KCNG2: variants seen among roughly 807,000 people sequenced by gnomAD.
KCNG2 encodes the protein potassium voltage-gated channel modifier subfamily G member 2, also known as voltage-gated potassium channel regulatory subunit KCNG2.
A neutral mutation model predicts 12.3 loss-of-function variants in KCNG2; 7 were observed. The observed-to-expected ratio is 0.57, with a 90% CI of 0.32 to 1.07. The LOEUF is 1.07. Among genes scored for constraint, KCNG2 ranks in the 50% least tolerant of loss-of-function variants. The pLI is 0.04. For missense variants in KCNG2, 703 were observed against 726.0 expected, an observed-to-expected ratio of 0.97 and a Z score of 0.36; for synonymous variants, 414 against 351.4, an observed-to-expected ratio of 1.18 and a Z score of -1.99.
At chr18:79,830,405 C>T (rs1344002663) in intron 1 of KCNG2, among the ~76,000 whole-genome samples, 3 of 152,248 alleles carry the variant, frequency 2.0e-5, no homozygotes, top group Non-Finnish European at 2.9e-5. Flanking sequence ...CCAGAGCTCA[C>T]TGGGACATCA....
chr18:79,811,385 A>G (rs1352217362), intron 1 of KCNG2, among the ~76,000 whole-genome samples: 1 of 152,254 alleles, frequency 6.6e-6, no homozygotes, highest in Non-Finnish European at 1.5e-5. Context: ...ATATTGATCA[A>G]TGGAATACAA....
chr18:79,851,573 C>A (rs1381754959), intron 1 of KCNG2, among the ~76,000 whole-genome samples: 2 of 152,094 alleles, frequency 1.3e-5, no homozygotes, highest in African/African-American at 4.8e-5. Context: ...GACCTGATAG[C>A]CTTTTCAAGC....
At chr18:79,893,476 G>A (rs1036450801) in intron 3 of KCNG2, among the ~76,000 whole-genome samples, 3 of 151,670 alleles carry the variant, frequency 2.0e-5, no homozygotes, top group Non-Finnish European at 4.4e-5. Flanking sequence ...TGTTATGATC[G>A]ATATAGTTGG....
chr18:79,879,600 CA>C (rs1980214742), intron 3 of KCNG2, among the ~76,000 whole-genome samples: 1 of 152,136 alleles, frequency 6.6e-6, no homozygotes, highest in Admixed American at 6.5e-5. Flanking sequence ...CACTCAAAGA[CA>C]AAGATGAAAA....
At chr18:79,798,702 C>G (rs2087383571) in intron 1 of KCNG2, among the ~76,000 whole-genome samples, 1 of 152,240 alleles carries the variant, frequency 6.6e-6, no homozygotes, top group African/African-American at 2.4e-5. Flanking sequence ...GCCCCGTCCT[C>G]CGGCCCGGGG....
chr18:79,802,286 G>A (rs1370966635), intron 1 of KCNG2, among the ~76,000 whole-genome samples: 1 of 152,222 alleles, frequency 6.6e-6, no homozygotes, highest in Non-Finnish European at 1.5e-5. Flanking sequence ...AGACCAGGTG[G>A]ACGCGGCTCA....
chr18:79,863,590 A>T, intron 2 of KCNG2, 38 bp from the exon 3 acceptor site: 1 of 1,157,348 alleles, frequency 8.6e-7, no homozygotes, highest in Non-Finnish European at 1.1e-6. Context: ...CCCCCAGCTC[A>T]GCCCTCGCGA....
chr18:79,814,605 GT>G lies in KCNG2; in HGVS notation c.-115+16592del, dbSNP rs542317887. Reference sequence around the variant, plus strand: ...ACAGAGCTGGGAGGGGGTGGCAGGAGTGACACTGCCTGCGTGGGTCAGCATC... The same window carrying G: ...ACAGAGCTGGGAGGGGGTGGCAGGAGGACACTGCCTGCGTGGGTCAGCATC... On this transcript the variant is annotated intron_variant, in intron 1 of 3. Coordinates refer to ENST00000316249, the MANE Select transcript of KCNG2 (RefSeq NM_012283.2). Among the ~76,000 whole-genome samples, 40 of 152,356 alleles carry G rather than the reference GT, an allele frequency of 2.6e-4. No homozygotes were observed. The East Asian group carries it at 7.5e-3, about 29-fold the overall frequency.
Position 79,800,827 on chromosome 18 carries a change from G to A in KCNG2, c.-115+2813G>A, listed in dbSNP as rs2087403665. On this transcript the variant is annotated intron_variant, in intron 1 of 3. Coordinates refer to ENST00000316249, the MANE Select transcript of KCNG2 (RefSeq NM_012283.2). This position sits in a 1 kb window ranked among gnomAD's most constrained non-coding sequence, Gnocchi z 4.0. The stretch of plus-strand genomic sequence containing the variant: ...GTCTGCTTGGGGAACCACAGCGAGG[G>A]GCACCCGAAGCAAATGTCAAGTCAA... 6.6e-6 allele frequency among the ~76,000 whole-genome samples: 1 copy of A among 152,234 alleles called. No individual in the cohort carries two copies. Among genetic ancestry groups the A allele is most frequent in the Non-Finnish European group, 1.5e-5 (1 of 68,046 alleles).
At chr18:79,867,852 C>T (rs1238598382) in intron 3 of KCNG2, among the ~76,000 whole-genome samples, 2 of 152,112 alleles carry the variant, frequency 1.3e-5, no homozygotes, top group Non-Finnish European at 1.5e-5. Context: ...GAGCACCCAC[C>T]GTCAGCACCG....
intron 3 of KCNG2, among the ~76,000 whole-genome samples, chr18:79,883,556 C>T (rs866848769): frequency 6.6e-6 from 1 of 152,330 alleles, no homozygotes; most frequent in South Asian, 2.1e-4. Context: ...CCACCCTGGG[C>T]CCCAGAACCT....
intron 1 of KCNG2, among the ~76,000 whole-genome samples, chr18:79,853,037 G>C (rs1319901116): frequency 1.1e-4 from 16 of 152,210 alleles, no homozygotes; most frequent in Admixed American, 1.0e-3. Context: ...GCTGGACGCC[G>C]AGAGCATCCC....
At chr18:79,844,930 T>G (rs1978573365) in intron 1 of KCNG2, among the ~76,000 whole-genome samples, 1 of 152,256 alleles carries the variant, frequency 6.6e-6, no homozygotes, top group Non-Finnish European at 1.5e-5. Context: ...CCTGTTGCTC[T>G]GATGAGCATT....
chr18:79,887,548 G>A (rs1229552838), intron 3 of KCNG2, among the ~76,000 whole-genome samples: 1 of 152,134 alleles, frequency 6.6e-6, no homozygotes, highest in African/African-American at 2.4e-5. Flanking sequence ...CTCCTGAGCT[G>A]AGAACTTTCT....
At chr18:79,804,920 T>G (rs72980008) in intron 1 of KCNG2, among the ~76,000 whole-genome samples, 1 of 152,322 alleles carries the variant, frequency 6.6e-6, no homozygotes, top group Non-Finnish European at 1.5e-5. Flanking sequence ...ATTAGGATAG[T>G]TTCAATGTGT....
In KCNG2 at chr18:79,858,145, C is replaced by T. The variant is rs1174329245; in HGVS notation, c.-41+1693C>T. Among the ~76,000 whole-genome samples, 11 of 152,150 alleles carry T rather than the reference C, an allele frequency of 7.2e-5. No individual in the cohort carries two copies. The East Asian group carries it at 1.2e-3, about 16-fold the overall frequency. ...CCTCCCGAGTAGCTGGGACTACAGGCGCCCGCCACTGCACCCAGCTAAGTT... is the reference window on the plus strand; with the variant it reads ...CCTCCCGAGTAGCTGGGACTACAGGTGCCCGCCACTGCACCCAGCTAAGTT... On this transcript the variant is annotated intron_variant, in intron 2 of 3. Transcript: ENST00000316249.
chr18:79,850,209 T>C (rs1978770813), intron 1 of KCNG2, among the ~76,000 whole-genome samples: 1 of 152,146 alleles, frequency 6.6e-6, no homozygotes, highest in East Asian at 1.9e-4. Context: ...TAAATAAATA[T>C]CAACTTTACT....
At chr18:79,817,287 A>G (rs1419333770) in intron 1 of KCNG2, among the ~76,000 whole-genome samples, 1 of 150,970 alleles carries the variant, frequency 6.6e-6, no homozygotes, top group Admixed American at 6.6e-5. Flanking sequence ...CACGGCTGCC[A>G]CTCACATGCC....
chr18:79,874,903 A>G (rs1396613931), intron 3 of KCNG2, among the ~76,000 whole-genome samples: 2 of 152,086 alleles, frequency 1.3e-5, no homozygotes, highest in African/African-American at 4.8e-5. Context: ...TTCCTGTGGT[A>G]GGAGTGGGGG....
Sources: allele counts gnomAD v4.1 joint callset (sites outside exome capture counted in the v4.1 genomes callset), GRCh38; gene constraint gnomAD v4.1.1; non-coding constraint Gnocchi (gnomAD v3.1); transcripts MANE v1.5; gene names NCBI Gene and HGNC (gene_info 2026-07-23, HGNC 2026-07-21).